The following GDF6 variants were observed in gnomAD, a reference collection of about 807,000 sequenced individuals.
GDF6 encodes the protein growth differentiation factor 6.
GDF6 carries 3 observed loss-of-function variants against 32.4 expected under a neutral mutation model. The ratio of observed to expected loss-of-function variants is 0.09; its 90% CI spans 0.04 to 0.24. The LOEUF (loss-of-function observed/expected upper bound fraction) is 0.24, where lower values mean the gene tolerates loss of function less well. GDF6 is among the 10% of genes least tolerant of loss of function. The pLI is 1.00. For missense variants in GDF6, 589 were observed against 637.9 expected (o/e 0.92, Z 0.83); for synonymous variants, 296 against 295.3 (o/e 1.00, Z -0.03).
chr8:96,152,660 G>C (rs1160625810), intron 1 of GDF6, among the ~76,000 whole-genome samples: 1 of 152,220 alleles, frequency 6.6e-6, no homozygotes, highest in African/African-American at 2.4e-5. Context: ...TCTGTCTTCA[G>C]TGTGTGTTCC....
chr8:96,159,956 G>T (rs74941593), intron 1 of GDF6, among the ~76,000 whole-genome samples: 2,942 of 152,116 alleles, frequency 0.019, 74 homozygotes, highest in Admixed American at 0.041. Flanking sequence ...CCCCTCTCCA[G>T]CCGGGTTCAT....
chr8:96,158,335 AG>A (rs1158797194), intron 1 of GDF6, among the ~76,000 whole-genome samples: 1 of 152,140 alleles, frequency 6.6e-6, no homozygotes, highest in Non-Finnish European at 1.5e-5. Flanking sequence ...GGGAGGCTAC[AG>A]GGCAAACCAG....
In GDF6 at chr8:96,142,808, T is replaced by C. The variant is rs1812394914; in HGVS notation, c.*1755A>G. 1 of 152,512 alleles carries C rather than the reference T, an allele frequency of 6.6e-6. No homozygotes were observed. Among genetic ancestry groups the C allele is most frequent in the South Asian group, 2.1e-4 (1 of 4,834 alleles). The allele number at this position is 152,512 out of a possible 1,614,324, so 9.4% of individuals were successfully genotyped here. A position where few individuals can be genotyped will look rare whatever the true frequency, so the allele number is the denominator to read the frequency against. ...TTTTTTTCACTTAGCATTTTTATAT[T>C]AGCATTTCTTATCATCCCCACCCTT... On this transcript the variant is annotated 3_prime_UTR_variant, in exon 2 of 2. Transcript: ENST00000287020.
At chr8:96,156,637 C>G (rs555896046) in intron 1 of GDF6, among the ~76,000 whole-genome samples, 1 of 152,332 alleles carries the variant, frequency 6.6e-6, no homozygotes, top group South Asian at 2.1e-4. Flanking sequence ...CACAGGCACA[C>G]ACCTTCTCAC....
At position 96,160,669 on chromosome 8, in the gene GDF6, G is replaced by T. The variant is rs369859861; in HGVS notation, c.24C>A (p.Leu8=). MDTPRVL[L]SAVFLISFLW... ...GAAAACTGATGAGGAAGACGGCCGA[G>T]AGCAGGACCCTGGGAGTATCCATGG... The change falls in exon 1 of 2, where the codon CTC becomes CTA. Residue 8 remains leucine (L), a synonymous_variant. Transcript: ENST00000287020. 3 of 1,613,622 alleles carry T rather than the reference G, an allele frequency of 1.9e-6. No homozygotes were observed. The highest frequency in any genetic ancestry group is 2.5e-6 in the Non-Finnish European group (3 of 1,179,628).
At chr8:96,150,245 C>A (rs1319105549) in intron 1 of GDF6, among the ~76,000 whole-genome samples, 1 of 152,172 alleles carries the variant, frequency 6.6e-6, no homozygotes, top group Non-Finnish European at 1.5e-5. Context: ...TCTGAGTACG[C>A]AGTGACCCTG....
In GDF6 at chr8:96,157,575, C is replaced by T. The variant is rs558263836; in HGVS notation, c.406+2712G>A. ...TCCCTTAGGCAAGGCGCCAAGTTAG[C>T]GCTGCTGGCCCAGCTCTAGGCGGGC... On this transcript the variant is annotated intron_variant, in intron 1 of 1. Transcript: ENST00000287020. Among the ~76,000 whole-genome samples, 22 of 152,232 alleles carry T rather than the reference C, an allele frequency of 1.4e-4. No individual in the cohort carries two copies. The East Asian group carries it at 3.5e-3, about 24-fold the overall frequency.
chr8:96,157,734 C>T (rs1053966870), intron 1 of GDF6, among the ~76,000 whole-genome samples: 7 of 152,116 alleles, frequency 4.6e-5, no homozygotes, highest in Non-Finnish European at 7.4e-5. Context: ...GCTGGCGGGT[C>T]CCTTCCATCA....
rs200585226 is a variant in GDF6, at chr8:96,145,448, C to A, written c.483G>T (p.Leu161=). The change falls in exon 2 of 2, where the codon CTG becomes CTT. Residue 161 remains leucine, a synonymous_variant. Transcript: ENST00000287020. The surrounding 1 kb of genome is among the most constrained non-coding windows in gnomAD (Gnocchi z 5.6). ...GAAAGAGCCGCAGCTCCGCGCCCAC[C>A]AGCTCTTCTTTGTCTGAGAGCATGG... ...DVSMLSDKEE[L]VGAELRLFRQ... 162 of 1,597,202 alleles carry A rather than the reference C, an allele frequency of 1.0e-4. 1 individual carries two copies. The highest frequency in any genetic ancestry group is 5.0e-4 in the Middle Eastern group (3 of 6,052).
intron 1 of GDF6, among the ~76,000 whole-genome samples, chr8:96,156,204 G>A (rs1812658973): frequency 6.6e-6 from 1 of 152,126 alleles, no homozygotes; most frequent in East Asian, 1.9e-4. Context: ...AAAAGTAAAG[G>A]GTATTCTTAT....
At chr8:96,147,787 T>A (rs1254141017) in intron 1 of GDF6, among the ~76,000 whole-genome samples, 1 of 152,188 alleles carries the variant, frequency 6.6e-6, no homozygotes, top group Non-Finnish European at 1.5e-5. Context: ...AAGTGGCCAG[T>A]GTATAAGAAA....
intron 1 of GDF6, among the ~76,000 whole-genome samples, chr8:96,151,359 TA>T (rs1812565792): frequency 6.6e-6 from 1 of 152,252 alleles, no homozygotes; most frequent in Non-Finnish European, 1.5e-5. Context: ...GTAACTCATT[TA>T]ATTCTCAAAA....
intron 1 of GDF6, among the ~76,000 whole-genome samples, chr8:96,148,016 G>A: frequency 6.6e-6 from 1 of 152,102 alleles, no homozygotes; most frequent in East Asian, 1.9e-4. Context: ...AAAATGTGTG[G>A]GCTAATAAAT....
chr8:96,153,466 G>T (rs1812605210), intron 1 of GDF6, among the ~76,000 whole-genome samples: 1 of 152,190 alleles, frequency 6.6e-6, no homozygotes, highest in African/African-American at 2.4e-5. Context: ...TCACTGAGGC[G>T]CGCACGCGGC....
rs759752149 is a variant in GDF6, at chr8:96,145,494, T to C, written c.437A>G (p.Gln146Arg). Residue 146 changes from glutamine (Q) to arginine (R), a missense_variant, in exon 2 of 2, where the codon CAG (glutamine) becomes CGG (arginine). By Grantham distance (43) the Gln-to-Arg change is conservative (BLOSUM62 1). This residue lies in a region of GDF6 where 436 missense variants were observed against 411.2 expected (regional missense o/e 1.06). Transcript: ENST00000287020. This position sits in a 1 kb window ranked among gnomAD's most constrained non-coding sequence, Gnocchi z 5.6. ...DDLSHTPLRR[Q>R]KYLFDVSMLS... ...CATGGACACATCAAACAAATACTTC[T>C]GTCTCCGGAGAGGAGTGTGCGAGAG... 1.9e-6 allele frequency: 3 copies of C among 1,597,936 alleles called. No individual in the cohort carries two copies. The highest frequency in any genetic ancestry group is 2.5e-6 in the Non-Finnish European group (3 of 1,179,622).
chr8:96,146,076 A>G (rs1348630748), intron 1 of GDF6, among the ~76,000 whole-genome samples: 3 of 152,152 alleles, frequency 2.0e-5, no homozygotes, highest in African/African-American at 4.8e-5. Flanking sequence ...TGCCTTTCCC[A>G]GTAACACTCT....
chr8:96,145,376 G>T lies in GDF6; in HGVS notation c.555C>A (p.His185Gln). 1.3e-6 allele frequency: 2 copies of T among 1,568,886 alleles called. No individual in the cohort carries two copies. ...APWGPPAGPL[H>Q]VQLFPCLSPL... The stretch of plus-strand genomic sequence containing the variant: ...GCGAAAGGCAAGGGAAGAGCTGCAC[G>T]TGGAGCGGCCCGGCTGGTGGCCCCC... The change falls in exon 2 of 2, where the codon CAC becomes CAA. Residue 185 changes from histidine (H) to glutamine (Q), a missense_variant. Around this residue, in one of 2 missense-constraint regions of GDF6, gnomAD observed 436 missense variants for 411.2 expected, o/e 1.06. Transcript: ENST00000287020. This position sits in a 1 kb window ranked among gnomAD's most constrained non-coding sequence, Gnocchi z 5.6.
At position 96,160,440 on chromosome 8, in the gene GDF6, G is replaced by A. The variant is rs766458579; in HGVS notation, c.253C>T (p.Pro85Ser). ...ACCACGCGCGGACCCCTGCCTGGCG[G>A]CTCCTGCGCCCGGGGCTGCTGAGCC... ...PRAQQPRAQEPPGRGPRVVPH... is the reference protein window; with the variant it reads ...PRAQQPRAQESPGRGPRVVPH... Residue 85 changes from proline (P) to serine (S), a missense_variant, in exon 1 of 2, where the codon CCG becomes TCG. This residue lies in a region of GDF6 where 436 missense variants were observed against 411.2 expected (regional missense o/e 1.06). Transcript: ENST00000287020. 4.3e-6 allele frequency: 7 copies of A among 1,613,758 alleles called. No individual in the cohort carries two copies. In the African/African-American group the frequency reaches 8.0e-5, roughly 18 times the overall value.
At chr8:96,156,799 T>G (rs1256517957) in intron 1 of GDF6, among the ~76,000 whole-genome samples, 10 of 152,216 alleles carry the variant, frequency 6.6e-5, no homozygotes, top group Admixed American at 4.6e-4. Flanking sequence ...CTCACACTCC[T>G]AACTGGGTCT....
Sources: allele counts gnomAD v4.1 joint callset (sites outside exome capture counted in the v4.1 genomes callset), GRCh38; gene constraint gnomAD v4.1.1; regional missense constraint gnomAD v4.1.1; non-coding constraint Gnocchi (gnomAD v3.1); transcripts MANE v1.5; gene names NCBI Gene and HGNC (gene_info 2026-07-23, HGNC 2026-07-21).